Variants in TIMM23B observed in about 807,000 individuals in gnomAD.
TIMM23B encodes the protein mitochondrial import inner membrane translocase subunit Tim23B.
A neutral mutation model predicts 27.3 loss-of-function variants in TIMM23B; 27 were observed. The ratio of observed to expected loss-of-function variants is 0.99; its 90% CI spans 0.73 to 1.36. TIMM23B has a LOEUF of 1.36. Among genes scored for constraint, TIMM23B ranks in the 40% most tolerant of loss-of-function variants. The probability of loss-of-function intolerance (pLI) is 0.00; values close to 1 mark genes in which losing one functional copy is unlikely to be tolerated. For missense variants in TIMM23B, 205 were observed against 244.2 expected (o/e 0.84, Z 1.07); for synonymous variants, 73 against 92.4 (o/e 0.79, Z 1.21).
chr10:49,962,979 C>T (rs1589042970), intron 6 of TIMM23B, among the ~76,000 whole-genome samples: 1 of 150,048 alleles, frequency 6.7e-6, no homozygotes, highest in East Asian at 1.9e-4. Context: ...GCAACCTCTG[C>T]CTCCTGAGTT....
chr10:49,970,967 A>G (rs571312043), intron 6 of TIMM23B, among the ~76,000 whole-genome samples: 47 of 152,330 alleles, frequency 3.1e-4, no homozygotes, highest in African/African-American at 1.1e-3. Context: ...AGGAGACTCC[A>G]TTTCGTTCTG....
intron 6 of TIMM23B, among the ~76,000 whole-genome samples, chr10:49,971,179 CA>C (rs1297667549): frequency 6.6e-6 from 1 of 152,026 alleles, no homozygotes; most frequent in Admixed American, 6.5e-5. Context: ...TACCCAGGGA[CA>C]CAAAAACTGC....
At chr10:49,967,759 T>C (rs1261191219) in intron 6 of TIMM23B, among the ~76,000 whole-genome samples, 3 of 151,968 alleles carry the variant, frequency 2.0e-5, no homozygotes, top group Non-Finnish European at 2.9e-5. Context: ...ATATCAAATA[T>C]TCAGCCTTTT....
intron 1 of TIMM23B, among the ~76,000 whole-genome samples, chr10:49,943,734 TG>T (rs1242888536): frequency 7.1e-6 from 1 of 141,550 alleles, no homozygotes; most frequent in Non-Finnish European, 1.5e-5. Flanking sequence ...GTGGTTTTTG[TG>T]GGTTTTTTTT....
intron 1 of TIMM23B, among the ~76,000 whole-genome samples, chr10:49,942,593 G>A (rs1839162062): frequency 1.3e-5 from 2 of 152,134 alleles, no homozygotes; most frequent in South Asian, 2.1e-4. Context: ...GTGGTGGGCC[G>A]TGTGATTGAC....
chr10:49,958,436 C>G lies in TIMM23B; in HGVS notation c.470C>G (p.Thr157Arg). 1 of 1,613,804 alleles carries G rather than the reference C, an allele frequency of 6.2e-7. No homozygotes were observed. Among genetic ancestry groups the G allele is most frequent in the Non-Finnish European group, 8.5e-7 (1 of 1,179,754 alleles). Residue 157 changes from threonine (T) to arginine (R), a missense_variant, in exon 6 of 7, where the codon ACA becomes AGA. Physicochemically the swap from Thr to Arg is moderately conservative, Grantham distance 71. Coordinates refer to ENST00000651259, the MANE Select transcript of TIMM23B (RefSeq NM_001290117.2). ...KTRGAEDDLNTVAAGTMTGML... is the reference protein window; with the variant it reads ...KTRGAEDDLNRVAAGTMTGML... ...CGAGGTGCAGAAGATGACCTTAACACAGTAGCAGCTGGAACCATGACAGGC... is the reference window on the plus strand; with the variant it reads ...CGAGGTGCAGAAGATGACCTTAACAGAGTAGCAGCTGGAACCATGACAGGC...
chr10:49,970,940 T>C (rs1840415478), intron 6 of TIMM23B, among the ~76,000 whole-genome samples: 1 of 152,192 alleles, frequency 6.6e-6, no homozygotes, highest in South Asian at 2.1e-4. Context: ...TGTGTCTGTG[T>C]GGAGGGAAGT....
chr10:49,947,036 G>A (rs1839374570), intron 2 of TIMM23B, among the ~76,000 whole-genome samples: 1 of 152,194 alleles, frequency 6.6e-6, no homozygotes, highest in Non-Finnish European at 1.5e-5. Flanking sequence ...AAATAGTTAA[G>A]TCAGGGGAGA....
At chr10:49,969,556 A>G in intron 6 of TIMM23B, among the ~76,000 whole-genome samples, 1 of 151,708 alleles carries the variant, frequency 6.6e-6, no homozygotes, top group African/African-American at 2.4e-5. Flanking sequence ...AATACAAAAA[A>G]TGAGCTAAGC....
intron 6 of TIMM23B, among the ~76,000 whole-genome samples, chr10:49,961,485 G>A (rs1332886256): frequency 2.0e-5 from 3 of 152,010 alleles, no homozygotes; most frequent in African/African-American, 7.2e-5. Flanking sequence ...TATTGTGGAA[G>A]CAATATATGG....
At chr10:49,952,995 T>A (rs1839589107) in intron 4 of TIMM23B, among the ~76,000 whole-genome samples, 1 of 152,206 alleles carries the variant, frequency 6.6e-6, no homozygotes, top group South Asian at 2.1e-4. Flanking sequence ...GCCAGATACA[T>A]TTTAAATAAA....
chr10:49,963,212 A>T (rs2132044691), intron 6 of TIMM23B, among the ~76,000 whole-genome samples: 1 of 152,396 alleles, frequency 6.6e-6, no homozygotes, highest in African/African-American at 2.4e-5. Context: ...ACGTGACATG[A>T]CATGACATGA....
intron 2 of TIMM23B, among the ~76,000 whole-genome samples, chr10:49,950,902 C>T (rs1187486581): frequency 8.5e-4 from 129 of 151,746 alleles, no homozygotes; most frequent in African/African-American, 2.7e-3. Context: ...TTTTTTTCTT[C>T]TCAGCAACCA....
chr10:49,963,399 A>G (rs1238311251), intron 6 of TIMM23B, among the ~76,000 whole-genome samples: 1 of 152,178 alleles, frequency 6.6e-6, no homozygotes, highest in South Asian at 2.1e-4. Flanking sequence ...TGAAATGAAT[A>G]ATGAAATGCC....
rs1463480571 is a variant in TIMM23B at position 49,965,391 on chromosome 10, G to A, written c.514+6911G>A. On this transcript the variant is annotated intron_variant, in intron 6 of 6. Transcript: ENST00000651259. ...TGCACTCCAGCCTGGGTGATAGAGC[G>A]AGTCTACGTCATGAAATTGAAAAAT... Among the ~76,000 whole-genome samples the A allele has an allele frequency of 2.6e-5, 4 of 151,862 alleles. 1 individual carries two copies. Among genetic ancestry groups the A allele is most frequent in the Middle Eastern group, 6.9e-3 (2 of 290 alleles).
At chr10:49,962,443 C>T (rs1399536622) in intron 6 of TIMM23B, among the ~76,000 whole-genome samples, 5 of 152,074 alleles carry the variant, frequency 3.3e-5, no homozygotes, top group Admixed American at 1.3e-4. Context: ...CCTCATGATC[C>T]GCCCACCTCA....
intron 6 of TIMM23B, among the ~76,000 whole-genome samples, chr10:49,964,627 AAAATGAAATAAATGAAATGATG>A (rs1564687781): frequency 6.7e-6 from 1 of 149,334 alleles, no homozygotes; most frequent in African/African-American, 2.5e-5. Flanking sequence ...ATGAAATGAA[AAAATGAAATAAATGAAATGATG>A]AAATGAAATA....
chr10:49,963,974 T>C (rs183254761), intron 6 of TIMM23B, among the ~76,000 whole-genome samples: 2 of 152,096 alleles, frequency 1.3e-5, no homozygotes, highest in Non-Finnish European at 2.9e-5. Context: ...CGAAATGACA[T>C]GACATGACAT....
At chr10:49,945,007 A>G (rs1195402859) in intron 1 of TIMM23B, 25 bp from the exon 2 acceptor site, 6 of 1,557,494 alleles carry the variant, frequency 3.9e-6, no homozygotes, top group Non-Finnish European at 5.3e-6. Flanking sequence ...TTTTGTTGCA[A>G]TGTGACATTT....
Sources: allele counts gnomAD v4.1 joint callset (sites outside exome capture counted in the v4.1 genomes callset), GRCh38; gene constraint gnomAD v4.1.1; transcripts MANE v1.5; gene names NCBI Gene and HGNC (gene_info 2026-07-23, HGNC 2026-07-21).